The following CACNB4 variants were observed in gnomAD, a reference collection of about 807,000 sequenced individuals.
CACNB4 encodes the protein voltage-dependent L-type calcium channel subunit beta-4.
A neutral mutation model predicts 71.2 loss-of-function variants in CACNB4; 32 were observed. That is an observed-to-expected ratio of 0.45 (90% confidence interval 0.34 to 0.60). The LOEUF (loss-of-function observed/expected upper bound fraction) is 0.60. Among genes scored for constraint, CACNB4 ranks in the 20% least tolerant of loss-of-function variants. The pLI is 0.01. For missense variants in CACNB4, 464 were observed against 647.9 expected, an observed-to-expected ratio of 0.72 and a Z score of 3.08; for synonymous variants, 231 against 236.9, an observed-to-expected ratio of 0.97 and a Z score of 0.23.
intron 12 of CACNB4, among the ~76,000 whole-genome samples, chr2:151,848,818 C>T (rs981947513): frequency 2.0e-5 from 3 of 152,178 alleles, no homozygotes; most frequent in African/African-American, 7.2e-5. Flanking sequence ...GTTCAATTGT[C>T]TGTCTCTCAG....
chr2:151,964,412 GC>G (rs144807000), intron 2 of CACNB4, among the ~76,000 whole-genome samples: 5,206 of 152,204 alleles, frequency 0.034, 295 homozygotes, highest in African/African-American at 0.12. Flanking sequence ...GTTAAGAATG[GC>G]TACCAGTGGG....
At chr2:152,059,325 C>T (rs954905201) in intron 2 of CACNB4, among the ~76,000 whole-genome samples, 3 of 152,218 alleles carry the variant, frequency 2.0e-5, no homozygotes, top group Non-Finnish European at 2.9e-5. Context: ...CAACGGCAGC[C>T]GTGAAAGCAG....
intron 2 of CACNB4, among the ~76,000 whole-genome samples, chr2:151,933,546 G>A (rs1232600520): frequency 1.3e-5 from 2 of 152,070 alleles, no homozygotes; most frequent in Non-Finnish European, 2.9e-5. Flanking sequence ...ACCAAGCAAT[G>A]CATTCAAGAT....
chr2:152,086,695 C>T (rs2105446040), intron 2 of CACNB4, among the ~76,000 whole-genome samples: 1 of 152,268 alleles, frequency 6.6e-6, no homozygotes, highest in South Asian at 2.1e-4. Context: ...AAAACGATGA[C>T]AATAACCATT....
chr2:151,975,526 G>C (rs990555273), intron 2 of CACNB4, among the ~76,000 whole-genome samples: 4 of 152,164 alleles, frequency 2.6e-5, no homozygotes, highest in African/African-American at 7.2e-5. Context: ...CCCCCATGGA[G>C]GGAGGACAGC....
chr2:151,954,256 C>T (rs2151673409), intron 2 of CACNB4, among the ~76,000 whole-genome samples: 1 of 152,320 alleles, frequency 6.6e-6, no homozygotes, highest in African/African-American at 2.4e-5. Flanking sequence ...CGTCCTATTC[C>T]TTAGTTCTTT....
chr2:152,014,312 G>A (rs1407316691), intron 2 of CACNB4, among the ~76,000 whole-genome samples: 8 of 151,922 alleles, frequency 5.3e-5, no homozygotes, highest in Non-Finnish European at 8.8e-5. Flanking sequence ...ACACCACTGC[G>A]CTCCAGCCTG....
chr2:152,022,728 T>C (rs867180153), intron 2 of CACNB4, among the ~76,000 whole-genome samples: 2 of 152,284 alleles, frequency 1.3e-5, no homozygotes, highest in Middle Eastern at 3.4e-3. Flanking sequence ...TGAAATAACA[T>C]AAAGCAAAGA....
At chr2:152,069,686 T>C (rs1686559752) in intron 2 of CACNB4, among the ~76,000 whole-genome samples, 1 of 152,012 alleles carries the variant, frequency 6.6e-6, no homozygotes, top group African/African-American at 2.4e-5. Flanking sequence ...GGTGATCTTG[T>C]CATAGGATTT....
At position 152,098,862 on chromosome 2, in the gene CACNB4, G is replaced by A. The variant is rs1425547173; in HGVS notation, c.63+87C>T. On this transcript the variant is annotated intron_variant, in intron 1 of 13. Transcript: ENST00000539935. This position sits in a 1 kb window ranked among gnomAD's most constrained non-coding sequence, Gnocchi z 5.3. ...CCCGGGACTGGGGCCCCGCACGCCC[G>A]GCACGAAGGCGGGGCGCGCTAGGGC... The A allele has an allele frequency of 4.4e-6, 5 of 1,145,052 alleles. No individual in the cohort carries two copies. Among genetic ancestry groups the A allele is most frequent in the Admixed American group, 2.9e-5 (1 of 34,478 alleles). The allele number at this position is 1,145,052 out of a possible 1,614,324, so 70.9% of individuals were successfully genotyped here.
chr2:152,009,781 A>G (rs1682955906), intron 2 of CACNB4, among the ~76,000 whole-genome samples: 1 of 152,138 alleles, frequency 6.6e-6, no homozygotes, highest in Non-Finnish European at 1.5e-5. Flanking sequence ...GCTGTCTCTG[A>G]ATCTGAGGTC....
intron 2 of CACNB4, among the ~76,000 whole-genome samples, chr2:152,081,058 A>G (rs1483620902): frequency 6.6e-6 from 1 of 152,198 alleles, no homozygotes; most frequent in Non-Finnish European, 1.5e-5. Flanking sequence ...TTTCTTTATA[A>G]GTTACCCAGT....
chr2:151,888,515 A>G (rs867571148), intron 2 of CACNB4, among the ~76,000 whole-genome samples: 2 of 152,178 alleles, frequency 1.3e-5, no homozygotes, highest in Non-Finnish European at 1.5e-5. Flanking sequence ...CCAGTGAGCC[A>G]TGATGATGCC....
intron 2 of CACNB4, among the ~76,000 whole-genome samples, chr2:151,981,458 T>C (rs1329153934): frequency 6.6e-6 from 1 of 151,946 alleles, no homozygotes; most frequent in Non-Finnish European, 1.5e-5. Flanking sequence ...AAATACAAAA[T>C]GGAAACTGAT....
At chr2:151,906,616 C>A (rs576163866) in intron 2 of CACNB4, among the ~76,000 whole-genome samples, 1 of 152,176 alleles carries the variant, frequency 6.6e-6, no homozygotes, top group Admixed American at 6.5e-5. Flanking sequence ...TGGTCTTTAT[C>A]TTTTGCTGTC....
intron 2 of CACNB4, among the ~76,000 whole-genome samples, chr2:151,939,255 C>T (rs189094330): frequency 8.5e-5 from 13 of 152,220 alleles, no homozygotes; most frequent in East Asian, 1.9e-4. Context: ...TTGTTCACCA[C>T]GAACAACAGC....
chr2:152,086,868 C>A (rs1400256607), intron 2 of CACNB4, among the ~76,000 whole-genome samples: 1 of 151,990 alleles, frequency 6.6e-6, no homozygotes, highest in Admixed American at 6.6e-5. Context: ...CGGTGGCTCA[C>A]GCCTATAATC....
chr2:151,880,476 C>T, intron 4 of CACNB4: 1 of 342,730 alleles, frequency 2.9e-6, no homozygotes. Flanking sequence ...CTTACATTTT[C>T]CAAAGTTGGA....
At chr2:151,886,336 C>T (rs1463723533) in intron 2 of CACNB4, among the ~76,000 whole-genome samples, 1 of 152,178 alleles carries the variant, frequency 6.6e-6, no homozygotes, top group East Asian at 1.9e-4. Flanking sequence ...ACAAAAAAAG[C>T]AAGCTGCCTG....
Sources: gnomAD v4.1 joint callset for allele counts (sites outside exome capture counted in the v4.1 genomes callset) on GRCh38, gnomAD v4.1.1 for gene constraint, Gnocchi (gnomAD v3.1) non-coding constraint, MANE v1.5 for transcripts, NCBI Gene and HGNC (gene_info 2026-07-23, HGNC 2026-07-21) for gene names.